The following SENP7 variants were observed in gnomAD, a reference collection of about 807,000 sequenced individuals.
SENP7 encodes sentrin-specific protease 7.
A neutral mutation model predicts 141.2 loss-of-function variants in SENP7; 64 were observed. The observed-to-expected ratio is 0.45, with a 90% CI of 0.37 to 0.56. SENP7 has a LOEUF of 0.56. SENP7 is among the 20% of genes least tolerant of loss of function. The pLI is 0.00. For synonymous variants in SENP7, 382 were observed against 426.4 expected, an observed-to-expected ratio of 0.90 and a Z score of 1.28; for missense variants, 1,025 against 1,212.2, an observed-to-expected ratio of 0.85 and a Z score of 2.29.
At chr3:101,349,242 G>C (rs975134792) in intron 12 of SENP7, among the ~76,000 whole-genome samples, 5 of 152,096 alleles carry the variant, frequency 3.3e-5, no homozygotes, top group African/African-American at 1.2e-4. Context: ...AGTAAAAACT[G>C]GCAGCAAAGC....
chr3:101,377,424 C>T (rs1001726763), intron 6 of SENP7, among the ~76,000 whole-genome samples: 2 of 152,014 alleles, frequency 1.3e-5, no homozygotes, highest in Non-Finnish European at 2.9e-5. Context: ...CTGCAATTGA[C>T]AAATTGCTGA....
At chr3:101,333,917 T>TA (rs2059119112) in intron 17 of SENP7, among the ~76,000 whole-genome samples, 1 of 152,144 alleles carries the variant, frequency 6.6e-6, no homozygotes, top group South Asian at 2.1e-4. Flanking sequence ...GGGACAAGGT[T>TA]AGGGGGGATG....
intron 5 of SENP7, among the ~76,000 whole-genome samples, chr3:101,412,166 T>C (rs1250545823): frequency 1.3e-5 from 2 of 152,092 alleles, no homozygotes; most frequent in East Asian, 3.8e-4. Flanking sequence ...GATAACATAA[T>C]TATATCCATT....
chr3:101,492,597 A>G (rs892815315), intron 3 of SENP7, among the ~76,000 whole-genome samples: 2 of 152,286 alleles, frequency 1.3e-5, no homozygotes, highest in South Asian at 2.1e-4. Context: ...TAATGTCCTT[A>G]TAAGAAGAAG....
At chr3:101,347,626 G>T (rs1475081427) in intron 13 of SENP7, 3 of 202,512 alleles carry the variant, frequency 1.5e-5, no homozygotes, top group South Asian at 2.6e-4. Flanking sequence ...GGAGGCTGAG[G>T]CAGGAGAATG....
intron 19 of SENP7, among the ~76,000 whole-genome samples, 190 bp downstream of exon 19, chr3:101,331,795 C>A (rs186125717): frequency 3.7e-4 from 56 of 152,134 alleles, no homozygotes; most frequent in Non-Finnish European, 6.5e-4. Flanking sequence ...CATAATAAAA[C>A]TTGATATAAC....
chr3:101,328,533 T>C lies in SENP7; in HGVS notation c.2809A>G (p.Ile937Val). The change falls in exon 22 of 24, where the codon ATA becomes GTA. Residue 937 changes from isoleucine (I) to valine (V), a missense_variant. This residue lies in a region of SENP7 where 295 missense variants were observed against 459.1 expected (regional missense o/e 0.64). Coordinates refer to ENST00000394095, the MANE Select transcript of SENP7 (RefSeq NM_020654.5). ...GAAGCAGCTTTCAAGGAGTCTAGTA[T>C]AAGAATACATGGCCTATGAAAAGCA... Reference protein sequence around the residue: ...KKMCKRPCILILDSLKAASVQ... With the variant: ...KKMCKRPCILVLDSLKAASVQ... 1 of 1,612,546 alleles carries C rather than the reference T, an allele frequency of 6.2e-7. No homozygotes were observed. The highest frequency in any genetic ancestry group is 8.5e-7 in the Non-Finnish European group (1 of 1,179,010).
At chr3:101,432,069 G>A (rs1243059577) in intron 4 of SENP7, among the ~76,000 whole-genome samples, 1 of 152,092 alleles carries the variant, frequency 6.6e-6, no homozygotes, top group Non-Finnish European at 1.5e-5. Flanking sequence ...CTGCCCTAAA[G>A]GTTGAGTCCC....
intron 4 of SENP7, chr3:101,457,443 G>T: frequency 6.3e-7 from 1 of 1,590,618 alleles, no homozygotes; most frequent in Non-Finnish European, 8.6e-7. Context: ...CAGCTGCTTT[G>T]TCTCGGCATG....
chr3:101,341,587 A>T, intron 15 of SENP7, 59 bp downstream of exon 15: 1 of 1,335,592 alleles, frequency 7.5e-7, no homozygotes. Context: ...AAAAGCAGCA[A>T]CATGAATAAA....
chr3:101,444,727 CTCTGGGG>C (rs2062820791), intron 4 of SENP7, among the ~76,000 whole-genome samples: 1 of 117,920 alleles, frequency 8.5e-6, no homozygotes, highest in Non-Finnish European at 1.6e-5. Flanking sequence ...GAACATCACA[CTCTGGGG>C]ACTGTTGTGG....
At chr3:101,338,857 C>G (rs2059256834) in intron 16 of SENP7, among the ~76,000 whole-genome samples, 1 of 152,146 alleles carries the variant, frequency 6.6e-6, no homozygotes, top group Non-Finnish European at 1.5e-5. Flanking sequence ...TTGGCCTCAT[C>G]TAACAAATCT....
intron 11 of SENP7, chr3:101,359,104 T>C (rs1417165714): frequency 6.6e-6 from 1 of 152,096 alleles, no homozygotes. Context: ...GACAAAGCCT[T>C]TATATGGTTG....
chr3:101,384,494 C>G (rs932644420), intron 6 of SENP7, among the ~76,000 whole-genome samples: 2 of 152,212 alleles, frequency 1.3e-5, no homozygotes, highest in Admixed American at 6.5e-5. Context: ...CACCTCAATC[C>G]CCAGTGCCAG....
At chr3:101,499,400 GCT>G (rs1384179941) in intron 2 of SENP7, among the ~76,000 whole-genome samples, 3 of 152,040 alleles carry the variant, frequency 2.0e-5, no homozygotes, top group Non-Finnish European at 4.4e-5. Context: ...ACAGAGTCTC[GCT>G]CTGTCACCCA....
intron 4 of SENP7, among the ~76,000 whole-genome samples, chr3:101,437,782 C>T (rs182892321): frequency 5.4e-4 from 82 of 152,148 alleles, no homozygotes; most frequent in Admixed American, 1.4e-3. Flanking sequence ...AAGCATAGGG[C>T]TTGTGTAGCC....
At chr3:101,402,616 C>CAA (rs58525002) in intron 5 of SENP7, among the ~76,000 whole-genome samples, 17,925 of 93,388 alleles carry the variant, frequency 0.19, 2,289 homozygotes, top group South Asian at 0.33. Flanking sequence ...GACTCCGTCT[C>CAA]AAAAAAAAAA....
chr3:101,416,371 G>A (rs558299363), intron 5 of SENP7, among the ~76,000 whole-genome samples: 2 of 152,300 alleles, frequency 1.3e-5, no homozygotes, highest in East Asian at 3.9e-4. Context: ...AAGGACAGAT[G>A]TAGGATGAGG....
chr3:101,464,246 G>C (rs1258271447), intron 3 of SENP7, among the ~76,000 whole-genome samples: 1 of 152,198 alleles, frequency 6.6e-6, no homozygotes, highest in Non-Finnish European at 1.5e-5. Flanking sequence ...ATGGCAATTT[G>C]AGAACTACAA....
Sources: allele counts gnomAD v4.1 joint callset (sites outside exome capture counted in the v4.1 genomes callset), GRCh38; gene constraint gnomAD v4.1.1; regional missense constraint gnomAD v4.1.1; transcripts MANE v1.5; gene names NCBI Gene and HGNC (gene_info 2026-07-23, HGNC 2026-07-21).